Variants in BACH2 observed in about 807,000 individuals in gnomAD.
The protein encoded by BACH2 is BACH transcriptional regulator 2.
BACH2 carries 5 observed loss-of-function variants against 61.8 expected under a neutral mutation model. The ratio of observed to expected loss-of-function variants is 0.08; its 90% CI spans 0.04 to 0.17. The LOEUF (loss-of-function observed/expected upper bound fraction) is 0.17, where lower values mean the gene tolerates loss of function less well. Among genes scored for constraint, BACH2 ranks in the 10% least tolerant of loss-of-function variants. The probability of loss-of-function intolerance (pLI) is 1.00; values close to 1 mark genes in which losing one functional copy is unlikely to be tolerated. For missense variants in BACH2, 824 were observed against 1,091.1 expected (o/e 0.76, Z 3.45); for synonymous variants, 446 against 440.1 (o/e 1.01, Z -0.17).
intron 5 of BACH2, among the ~76,000 whole-genome samples, chr6:90,023,271 G>A (rs1249070023): frequency 6.6e-6 from 1 of 151,456 alleles, no homozygotes; most frequent in African/African-American, 2.4e-5. Flanking sequence ...GTGGGGCCTG[G>A]TGGGAGGTGA....
chr6:90,103,029 A>ATATATTTTTTTTTTTT, intron 4 of BACH2, among the ~76,000 whole-genome samples: 2 of 21,166 alleles, frequency 9.4e-5, no homozygotes, highest in Non-Finnish European at 1.6e-4. Flanking sequence ...ATATATATAT[A>ATATATTTTTTTTTTTT]TTTTTTTTTT....
At chr6:90,102,324 G>A (rs1782667287) in intron 4 of BACH2, among the ~76,000 whole-genome samples, 1 of 151,814 alleles carries the variant, frequency 6.6e-6, no homozygotes, top group African/African-American at 2.4e-5. Flanking sequence ...CCATAGAAGT[G>A]GTATTATAAA....
At chr6:90,018,163 G>C (rs1778168103) in intron 5 of BACH2, among the ~76,000 whole-genome samples, 1 of 152,112 alleles carries the variant, frequency 6.6e-6, no homozygotes, top group Non-Finnish European at 1.5e-5. Context: ...CCTTTGTTTT[G>C]GGTGGCTGTC....
chr6:90,131,815 C>T (rs555828066), intron 4 of BACH2, among the ~76,000 whole-genome samples: 4 of 152,330 alleles, frequency 2.6e-5, no homozygotes, highest in South Asian at 2.1e-4. Context: ...CCAGCTGCCA[C>T]GGCAAAGAGA....
rs1772373863 is a variant in BACH2, at chr6:89,926,618, T to C, written c.*5790A>G. 3 of 152,776 alleles carry C rather than the reference T, an allele frequency of 2.0e-5. No homozygotes were observed. Among genetic ancestry groups the C allele is most frequent in the Non-Finnish European group, 4.4e-5 (3 of 68,040 alleles). The allele number at this position is 152,776 out of a possible 1,614,324, so 9.5% of individuals were successfully genotyped here. ...AGTTAACACTAGCAATTCAATTGAG[T>C]GAAAACTTTTTTTGCACAATAGTGT... On this transcript the variant is annotated 3_prime_UTR_variant, in exon 9 of 9. Transcript: ENST00000257749.
At chr6:90,097,613 G>T (rs1341643024) in intron 4 of BACH2, among the ~76,000 whole-genome samples, 1 of 152,124 alleles carries the variant, frequency 6.6e-6, no homozygotes, top group Non-Finnish European at 1.5e-5. Flanking sequence ...GCCTCAAAGG[G>T]TAAGTGGGTT....
intron 3 of BACH2, among the ~76,000 whole-genome samples, chr6:90,250,896 T>C (rs1770786367): frequency 6.6e-6 from 1 of 152,152 alleles, no homozygotes; most frequent in African/African-American, 2.4e-5. Context: ...TCTCATTTAA[T>C]CACAACAACC....
At chr6:90,060,671 C>G (rs1420545254) in intron 5 of BACH2, among the ~76,000 whole-genome samples, 3 of 152,030 alleles carry the variant, frequency 2.0e-5, no homozygotes, top group Non-Finnish European at 2.9e-5. Flanking sequence ...CTGATTTTCA[C>G]TCACGGTGGT....
At chr6:89,967,489 A>G (rs1035904512) in intron 6 of BACH2, among the ~76,000 whole-genome samples, 9 of 152,190 alleles carry the variant, frequency 5.9e-5, no homozygotes, top group Non-Finnish European at 1.2e-4. Context: ...AAGAAACCTT[A>G]AGGAAAAATA....
chr6:90,142,239 A>T (rs957672626), intron 4 of BACH2, among the ~76,000 whole-genome samples: 4 of 152,190 alleles, frequency 2.6e-5, no homozygotes, highest in Non-Finnish European at 4.4e-5. Context: ...CCTGAGTGGG[A>T]AACATCCATT....
At chr6:90,111,207 G>C (rs1783154779) in intron 4 of BACH2, among the ~76,000 whole-genome samples, 1 of 152,150 alleles carries the variant, frequency 6.6e-6, no homozygotes, top group Non-Finnish European at 1.5e-5. Flanking sequence ...GGAACCCACA[G>C]ACCACACTTT....
At chr6:90,085,138 G>A (rs962933991) in intron 5 of BACH2, among the ~76,000 whole-genome samples, 27 of 152,084 alleles carry the variant, frequency 1.8e-4, no homozygotes, top group Admixed American at 1.3e-4. Flanking sequence ...TGTGACTTAC[G>A]GGTACAATAA....
intron 1 of BACH2, among the ~76,000 whole-genome samples, chr6:90,272,428 C>T (rs1360536585): frequency 2.6e-5 from 4 of 152,188 alleles, no homozygotes; most frequent in African/African-American, 9.6e-5. Flanking sequence ...CAATTCTCTC[C>T]TTGCAGATAG....
At position 90,014,468 on chromosome 6, in the gene BACH2, A is replaced by ATAT. The variant is rs1222156456; in HGVS notation, c.-12-5613_-12-5612insATA. ...TATATATATATATATATATATATAT[A>ATAT]TTTTTTTTTTTTTTTTTTTTTTTTT... On this transcript the variant is annotated intron_variant, in intron 5 of 8. Coordinates refer to ENST00000257749, the MANE Select transcript of BACH2 (RefSeq NM_021813.4). Among the ~76,000 whole-genome samples, 14 of 32,306 alleles carry ATAT rather than the reference A, an allele frequency of 4.3e-4. No individual in the cohort carries two copies. In the East Asian group the frequency reaches 4.8e-3, roughly 11 times the overall value. The allele number at this position is 32,306 out of a possible 152,430, so 21.2% of individuals were successfully genotyped here.
At chr6:90,053,608 G>T (rs1780164132) in intron 5 of BACH2, among the ~76,000 whole-genome samples, 1 of 152,184 alleles carries the variant, frequency 6.6e-6, no homozygotes, top group Non-Finnish European at 1.5e-5. Flanking sequence ...TTCCTTCAGT[G>T]TAAGTCTGCT....
intron 3 of BACH2, among the ~76,000 whole-genome samples, chr6:90,217,125 G>A (rs1282240143): frequency 1.3e-5 from 2 of 152,166 alleles, no homozygotes; most frequent in Admixed American, 1.3e-4. Context: ...CTTACACAGA[G>A]TAAGACCATC....
chr6:90,275,647 C>G (rs920399819), intron 1 of BACH2, among the ~76,000 whole-genome samples: 1 of 151,978 alleles, frequency 6.6e-6, no homozygotes. Flanking sequence ...GCTCTTCCCC[C>G]TCCTCCCACT....
chr6:89,967,506 C>T (rs1406887856), intron 6 of BACH2, among the ~76,000 whole-genome samples: 1 of 152,194 alleles, frequency 6.6e-6, no homozygotes, highest in Non-Finnish European at 1.5e-5. Context: ...AATAAGCCCT[C>T]CAGTTTCCTT....
At chr6:90,195,259 T>G (rs1768717266) in intron 4 of BACH2, among the ~76,000 whole-genome samples, 1 of 152,164 alleles carries the variant, frequency 6.6e-6, no homozygotes, top group Non-Finnish European at 1.5e-5. Flanking sequence ...GCTGTCAGTG[T>G]CACAGTCTGA....
Sources: gnomAD v4.1 joint callset for allele counts (sites outside exome capture counted in the v4.1 genomes callset) on GRCh38, gnomAD v4.1.1 for gene constraint, MANE v1.5 for transcripts, NCBI Gene and HGNC (gene_info 2026-07-23, HGNC 2026-07-21) for gene names.